Variants in CWF19L2 observed in about 807,000 individuals in gnomAD.
CWF19L2 encodes the protein CWF19 like cell cycle control factor 2.
Under a neutral mutation model 111.7 loss-of-function variants are expected in CWF19L2, and 98 were observed. That is an observed-to-expected ratio of 0.88 (90% CI 0.75 to 1.04). CWF19L2 has a LOEUF of 1.04. Ranked by LOEUF, CWF19L2 falls within the 50% of genes least tolerant of loss-of-function variation. The pLI, the probability that CWF19L2 is intolerant of heterozygous loss-of-function variation, is 0.00. For missense variants in CWF19L2, 1,101 were observed against 1,051.4 expected, an observed-to-expected ratio of 1.05 and a Z score of -0.65; for synonymous variants, 351 against 342.9, an observed-to-expected ratio of 1.02 and a Z score of -0.26.
At chr11:107,379,026 T>C (rs796939690) in intron 12 of CWF19L2, among the ~76,000 whole-genome samples, 15 of 152,160 alleles carry the variant, frequency 9.9e-5, no homozygotes, top group African/African-American at 3.4e-4. Context: ...TACACAATGG[T>C]ATAGGAAATA....
chr11:107,337,498 A>G (rs977515278), intron 14 of CWF19L2, among the ~76,000 whole-genome samples: 9 of 152,036 alleles, frequency 5.9e-5, no homozygotes, highest in African/African-American at 2.2e-4. Context: ...ATGCATTCAC[A>G]TGACACCCCC....
intron 10 of CWF19L2, among the ~76,000 whole-genome samples, chr11:107,400,085 T>C (rs1860978904): frequency 6.6e-6 from 1 of 151,700 alleles, no homozygotes; most frequent in Admixed American, 6.6e-5. Context: ...AAGAGAAAAG[T>C]TCATAGCCCT....
Position 107,353,604 on chromosome 11 carries a change from C to A in CWF19L2, c.2005G>T (p.Ala669Ser), listed in dbSNP as rs749935107. Residue 669 changes from alanine to serine, a missense_variant, in exon 13 of 18, where the codon GCT becomes TCT. By Grantham distance (99) the Ala-to-Ser change is moderately conservative (BLOSUM62 1). Coordinates refer to ENST00000282251, the MANE Select transcript of CWF19L2 (RefSeq NM_152434.3). ...KKAIAEHRSL[A>S]AQMEKCLYCF... The stretch of plus-strand genomic sequence containing the variant: ...TACAGACATTTTTCCATTTGTGCAG[C>A]AAGACTCCGATGCTCAGCAATAGCT... 6.2e-7 allele frequency: 1 copy of A among 1,613,828 alleles called. No homozygotes were observed. The highest frequency in any genetic ancestry group is 1.1e-5 in the South Asian group (1 of 91,072).
chr11:107,355,698 A>C (rs983623688), intron 12 of CWF19L2, among the ~76,000 whole-genome samples: 1 of 152,254 alleles, frequency 6.6e-6, no homozygotes, highest in Non-Finnish European at 1.5e-5. Flanking sequence ...TAACAATCCT[A>C]AAGTTTATAT....
At chr11:107,360,638 C>T (rs937905159) in intron 12 of CWF19L2, among the ~76,000 whole-genome samples, 1 of 152,236 alleles carries the variant, frequency 6.6e-6, no homozygotes, top group Non-Finnish European at 1.5e-5. Flanking sequence ...CACATCCTCA[C>T]AAGCATCTGT....
intron 14 of CWF19L2, among the ~76,000 whole-genome samples, chr11:107,338,542 T>C (rs1319408708): frequency 1.3e-5 from 2 of 152,154 alleles, no homozygotes; most frequent in Admixed American, 6.5e-5. Context: ...CATCAGTTAT[T>C]CTTCCTGATG....
intron 12 of CWF19L2, among the ~76,000 whole-genome samples, chr11:107,382,817 C>T (rs2060513457): frequency 6.6e-6 from 1 of 152,238 alleles, no homozygotes; most frequent in East Asian, 1.9e-4. Flanking sequence ...TTCACCTGCC[C>T]CAAGGCAGGA....
chr11:107,355,474 T>G (rs908212826), intron 12 of CWF19L2, among the ~76,000 whole-genome samples: 1 of 151,628 alleles, frequency 6.6e-6, no homozygotes, highest in African/African-American at 2.4e-5. Context: ...AAACTACATG[T>G]TATCATCAAA....
chr11:107,334,519 A>G (rs1010343922), intron 16 of CWF19L2, among the ~76,000 whole-genome samples: 4 of 152,224 alleles, frequency 2.6e-5, no homozygotes, highest in Non-Finnish European at 4.4e-5. Flanking sequence ...TTTTTCTCTC[A>G]GTATAATTGC....
At chr11:107,454,371 ATT>A in intron 3 of CWF19L2, 77 bp downstream of exon 3, 1 of 1,132,298 alleles carries the variant, frequency 8.8e-7, no homozygotes, top group Non-Finnish European at 1.1e-6. Flanking sequence ...GTTTTCTTGT[ATT>A]TTAACTTCCC....
intron 8 of CWF19L2, among the ~76,000 whole-genome samples, chr11:107,419,018 A>C (rs1861267092): frequency 6.6e-6 from 1 of 152,230 alleles, no homozygotes; most frequent in African/African-American, 2.4e-5. Context: ...AGAGTACCAA[A>C]GAAGCGAAAG....
intron 10 of CWF19L2, among the ~76,000 whole-genome samples, chr11:107,397,518 G>C (rs774917040): frequency 6.6e-6 from 1 of 151,922 alleles, no homozygotes; most frequent in Non-Finnish European, 1.5e-5. Context: ...AGCAAGACGC[G>C]CCCACGGAGA....
chr11:107,416,690 A>T (rs1423737380), intron 9 of CWF19L2, among the ~76,000 whole-genome samples: 1 of 152,228 alleles, frequency 6.6e-6, no homozygotes, highest in Non-Finnish European at 1.5e-5. Context: ...TTGATAATTT[A>T]GATGAAAATT....
intron 2 of CWF19L2, 109 bp downstream of exon 2, chr11:107,455,557 A>G (rs1861841778): frequency 1.6e-6 from 1 of 615,354 alleles, no homozygotes; most frequent in East Asian, 3.1e-5. Context: ...TGTGATATTC[A>G]TTTTGTAACT....
At chr11:107,447,155 C>T (rs1378765355) in intron 3 of CWF19L2, among the ~76,000 whole-genome samples, 1 of 152,172 alleles carries the variant, frequency 6.6e-6, no homozygotes, top group Non-Finnish European at 1.5e-5. Flanking sequence ...AATGAAACTA[C>T]AATCTCTACA....
chr11:107,346,661 G>C (rs1860084964), intron 14 of CWF19L2, among the ~76,000 whole-genome samples: 2 of 152,156 alleles, frequency 1.3e-5, no homozygotes, highest in African/African-American at 4.8e-5. Flanking sequence ...CTCATGATCA[G>C]AACACTACAG....
chr11:107,349,885 A>G (rs1860133515), intron 13 of CWF19L2, among the ~76,000 whole-genome samples: 1 of 152,200 alleles, frequency 6.6e-6, no homozygotes, highest in African/African-American at 2.4e-5. Flanking sequence ...ATTAAGGGTC[A>G]TGGGTATGTC....
chr11:107,335,739 A>G (rs1314792821), intron 15 of CWF19L2, among the ~76,000 whole-genome samples: 17 of 152,218 alleles, frequency 1.1e-4, no homozygotes, highest in Non-Finnish European at 2.5e-4. Context: ...TGATAAATAT[A>G]AAATAACCTC....
At chr11:107,434,924 TCTG>T (rs1861519610) in intron 6 of CWF19L2, among the ~76,000 whole-genome samples, 1 of 152,046 alleles carries the variant, frequency 6.6e-6, no homozygotes, top group Admixed American at 6.6e-5. Context: ...AAATGATCAG[TCTG>T]CTGCTGTACA....
Sources: gnomAD v4.1 joint callset for allele counts (sites outside exome capture counted in the v4.1 genomes callset) on GRCh38, gnomAD v4.1.1 for gene constraint, MANE v1.5 for transcripts, NCBI Gene and HGNC (gene_info 2026-07-23, HGNC 2026-07-21) for gene names.